KIRREL1: variants seen among roughly 807,000 people sequenced by gnomAD.
KIRREL1 encodes kin of IRRE-like protein 1.
In KIRREL1, 25 loss-of-function variants were observed where a neutral mutation model predicts 83.3. The observed-to-expected ratio is 0.30, with a 90% confidence interval of 0.22 to 0.42. The LOEUF (loss-of-function observed/expected upper bound fraction) is 0.42. Among genes scored for constraint, KIRREL1 ranks in the 10% least tolerant of loss-of-function variants. The pLI is 1.00. For synonymous variants in KIRREL1, 388 were observed against 410.4 expected, an observed-to-expected ratio of 0.95 and a Z score of 0.66; for missense variants, 812 against 1,032.3, an observed-to-expected ratio of 0.79 and a Z score of 2.92.
chr1:158,086,182 G>A (rs1326716930), intron 4 of KIRREL1, among the ~76,000 whole-genome samples: 1 of 152,058 alleles, frequency 6.6e-6, no homozygotes, highest in Non-Finnish European at 1.5e-5. Flanking sequence ...TGTAAGGTCG[G>A]GGAGGAGGGT....
chr1:158,013,802 G>T (rs938524911), intron 1 of KIRREL1, among the ~76,000 whole-genome samples: 1 of 152,078 alleles, frequency 6.6e-6, no homozygotes, highest in Non-Finnish European at 1.5e-5. Flanking sequence ...ATTCCCCACT[G>T]CACAGACAAA....
intron 4 of KIRREL1, among the ~76,000 whole-genome samples, 173 bp from the exon 5 acceptor site, chr1:158,086,423 A>AAC (rs61585802): frequency 0.097 from 14,415 of 148,014 alleles, 733 homozygotes; most frequent in South Asian, 0.14. Flanking sequence ...CTATTGATTA[A>AAC]ACACACACAC....
chr1:158,080,939 G>T (rs1302903107), intron 3 of KIRREL1, among the ~76,000 whole-genome samples: 1 of 97,668 alleles, frequency 1.0e-5, no homozygotes, highest in Non-Finnish European at 2.5e-5. Context: ...CAGAAATGAG[G>T]AGTGGGCTGT....
intron 1 of KIRREL1, among the ~76,000 whole-genome samples, chr1:158,013,654 C>T (rs746551378): frequency 1.5e-4 from 23 of 152,338 alleles, no homozygotes; most frequent in Middle Eastern, 3.4e-3. Context: ...CGCTGCCCCA[C>T]AGCAGTGACC....
intron 1 of KIRREL1, among the ~76,000 whole-genome samples, chr1:158,068,743 A>G (rs998351159): frequency 1.3e-5 from 2 of 151,400 alleles, no homozygotes; most frequent in Admixed American, 6.6e-5. Flanking sequence ...AGAGAACCCA[A>G]TGTGAGGGGA....
rs370796550 is a variant in KIRREL1, at chr1:158,087,844, G to A, written c.751G>A (p.Glu251Lys). ...TACCTGCCAGGCCACAGCCAACCCC[G>A]AGATCTTGGGCTACAGGTGAGGGGG... Reference protein sequence around the residue: ...VFTCQATANPEILGYRWAKGG... With the variant: ...VFTCQATANPKILGYRWAKGG... Residue 251 changes from glutamate (E) to lysine (K), a missense_variant, in exon 6 of 15, where the codon GAG becomes AAG. Glu to Lys is a moderately conservative substitution (Grantham distance 56). Transcript: ENST00000359209. The A allele has an allele frequency of 5.2e-5, 84 of 1,613,858 alleles. No homozygotes were observed. The highest frequency in any genetic ancestry group is 6.4e-5 in the Non-Finnish European group (75 of 1,179,924).
chr1:158,024,270 ATTTTTTTTTTTTTT>A, intron 1 of KIRREL1, among the ~76,000 whole-genome samples: 1 of 70,008 alleles, frequency 1.4e-5, no homozygotes, highest in African/African-American at 5.5e-5. Context: ...TTGTTGTTGT[ATTTTTTTTTTTTTT>A]TTTTTTTTTT....
chr1:158,051,936 A>C (rs950222768), intron 1 of KIRREL1, among the ~76,000 whole-genome samples: 1 of 152,036 alleles, frequency 6.6e-6, no homozygotes, highest in Admixed American at 6.5e-5. Context: ...CTACCCCTTC[A>C]TTTATTTCAT....
Position 158,092,345 on chromosome 1 carries a change from C to CTTTT in KIRREL1, c.1471+806_1471+809dup, listed in dbSNP as rs11430850. On this transcript the variant is annotated intron_variant, in intron 11 of 14. Transcript: ENST00000359209. Reference sequence around the variant, plus strand: ...AATGACAGCATCCCATCACTTCAGTCTTTTTTTTTTTTTTTTTTTTGAGAT... The same window carrying CTTTT: ...AATGACAGCATCCCATCACTTCAGTCTTTTTTTTTTTTTTTTTTTTTTTTGAGAT... Among the ~76,000 whole-genome samples the CTTTT allele has an allele frequency of 6.9e-4, 76 of 110,902 alleles. 1 individual carries two copies. The highest frequency in any genetic ancestry group is 1.2e-3 in the African/African-American group (34 of 28,542). 72.8% of individuals were successfully genotyped at this position (110,902 alleles called of 152,430 possible).
chr1:157,993,735 G>T lies in KIRREL1; in HGVS notation c.52+7G>T. 12 of 1,487,462 alleles carry T rather than the reference G, an allele frequency of 8.1e-6. No individual in the cohort carries two copies. Among genetic ancestry groups the T allele is most frequent in the South Asian group, 2.6e-5 (2 of 77,380 alleles). The allele number at this position is 1,487,462 out of a possible 1,614,324, so 92.1% of individuals were successfully genotyped here. A position where few individuals can be genotyped will look rare whatever the true frequency, so the allele number is the denominator to read the frequency against. ...TCCGATACTTTCTCCCAAGGTAAGG[G>T]CCCCCAGCCCACCCCCGGACGCTCG... On this transcript the variant is annotated splice_region_variant and intron_variant, in intron 1 of 14. Transcript: ENST00000359209.
intron 1 of KIRREL1, among the ~76,000 whole-genome samples, chr1:158,039,457 T>A (rs1197781038): frequency 6.6e-6 from 1 of 152,150 alleles, no homozygotes; most frequent in African/African-American, 2.4e-5. Context: ...TGGTATTGGC[T>A]CGAGTCTCAA....
intron 1 of KIRREL1, among the ~76,000 whole-genome samples, chr1:157,994,568 TG>T (rs977166321): frequency 6.6e-6 from 1 of 150,592 alleles, no homozygotes; most frequent in African/African-American, 2.4e-5. Flanking sequence ...GGGCTGGGGT[TG>T]GGGGAGGGAA....
At chr1:157,997,644 GGAGA>G (rs1380492264) in intron 1 of KIRREL1, among the ~76,000 whole-genome samples, 1 of 152,172 alleles carries the variant, frequency 6.6e-6, no homozygotes, top group Non-Finnish European at 1.5e-5. Context: ...AGGGATTTGA[GGAGA>G]GAGAGCAAAA....
At chr1:158,056,410 C>T (rs559017901) in intron 1 of KIRREL1, among the ~76,000 whole-genome samples, 1 of 152,322 alleles carries the variant, frequency 6.6e-6, no homozygotes, top group African/African-American at 2.4e-5. Context: ...GGTTCTGCAC[C>T]TGGGGAGTGA....
In KIRREL1 at chr1:158,086,649, C is replaced by A. The variant is rs1319061811; in HGVS notation, c.564C>A (p.Asn188Lys). 4 of 1,552,006 alleles carry A rather than the reference C, an allele frequency of 2.6e-6. No individual in the cohort carries two copies. Among genetic ancestry groups the A allele is most frequent in the Admixed American group, 2.0e-5 (1 of 50,990 alleles). ...CCACCGTGAGCCAACTGCTTATTAA[C>A]CCCACGGACCTGGACATAGGGCGTG... Reference protein sequence around the residue: ...RETTVSQLLINPTDLDIGRVF... With the variant: ...RETTVSQLLIKPTDLDIGRVF... The change falls in exon 5 of 15, where the codon AAC becomes AAA. Residue 188 changes from asparagine (N) to lysine (K), a missense_variant. Asn to Lys is a moderately conservative substitution (Grantham distance 94). This residue lies in a region of KIRREL1 where 472 missense variants were observed against 626.8 expected (regional missense o/e 0.75). Coordinates refer to ENST00000359209, the MANE Select transcript of KIRREL1 (RefSeq NM_018240.7).
At position 158,087,785 on chromosome 1, in the gene KIRREL1, C is replaced by A; in HGVS notation, c.692C>A (p.Pro231Gln). 6.2e-7 allele frequency: 1 copy of A among 1,614,082 alleles called. No individual in the cohort carries two copies. The highest frequency in any genetic ancestry group is 1.1e-5 in the South Asian group (1 of 91,066). ...HPPTVTLSIE[P>Q]QTVQEGERVV... The stretch of plus-strand genomic sequence containing the variant: ...CCTACAGTGACCCTGTCCATTGAGC[C>A]ACAGACGGTGCAGGAGGGTGAGCGT... The change falls in exon 6 of 15, where the codon CCA becomes CAA. Residue 231 changes from proline (P) to glutamine (Q), a missense_variant. Transcript: ENST00000359209.
At chr1:158,087,280 C>T (rs951548445) in intron 5 of KIRREL1, among the ~76,000 whole-genome samples, 7 of 152,074 alleles carry the variant, frequency 4.6e-5, no homozygotes, top group African/African-American at 1.7e-4. Context: ...GCATCTAGTC[C>T]TAAGGGTTTC....
At chr1:158,037,078 C>G (rs6679187) in intron 1 of KIRREL1, among the ~76,000 whole-genome samples, 5,562 of 152,176 alleles carry the variant, frequency 0.037, 293 homozygotes, top group African/African-American at 0.12. Flanking sequence ...TGCTGTGGGC[C>G]CATGGGTGTC....
chr1:158,018,943 T>C lies in KIRREL1; in HGVS notation c.52+25215T>C, dbSNP rs149367554. 5.8e-3 allele frequency among the ~76,000 whole-genome samples: 888 copies of C among 152,336 alleles called. 4 individuals are homozygous for C. Among genetic ancestry groups the C allele is most frequent in the Non-Finnish European group, 9.8e-3 (666 of 68,024 alleles). On this transcript the variant is annotated intron_variant, in intron 1 of 14. Transcript: ENST00000359209. ...AATTTGCTTCTGCTGTTGCAGTTGC[T>C]GCAGCAAAGAAGTTACATAAGGTTC...
Sources: gnomAD v4.1 joint callset for allele counts (sites outside exome capture counted in the v4.1 genomes callset) on GRCh38, gnomAD v4.1.1 for gene constraint, gnomAD v4.1.1 regional missense constraint, MANE v1.5 for transcripts, NCBI Gene and HGNC (gene_info 2026-07-23, HGNC 2026-07-21) for gene names.